Variants in COXFA4 observed in about 807,000 individuals in gnomAD.
COXFA4 encodes cytochrome c oxidase associated subunit FA4, also known as cytochrome c oxidase subunit FA4.
At chr7:10,936,645 T>C in the COXFA4 span, among the ~76,000 whole-genome samples, 1 of 152,230 alleles carries the variant, frequency 6.6e-6, no homozygotes, top group Admixed American at 6.5e-5. Context: ...ATTGCATTTT[T>C]ATTTTCTTCT....
chr7:10,933,576 T>G, the COXFA4 span: 2 of 1,334,832 alleles, frequency 1.5e-6, no homozygotes, highest in Admixed American at 3.4e-5. Context: ...TGGAAAATTG[T>G]GCGGATGTGG....
the COXFA4 span, chr7:10,933,747 A>G: frequency 2.3e-6 from 3 of 1,313,932 alleles, no homozygotes; most frequent in Non-Finnish European, 3.3e-6. Flanking sequence ...GAGACGGTAC[A>G]AAGGTTTTAG....
At chr7:10,940,087 G>GAGAGAACCGACCT in the COXFA4 span, 2 of 1,612,146 alleles carry the variant, frequency 1.2e-6, no homozygotes, top group Non-Finnish European at 1.7e-6. Context: ...GACTGGAAAG[G>GAGAGAACCGACCT]AGAGAACCGA....
the COXFA4 span, among the ~76,000 whole-genome samples, chr7:10,934,072 G>C: frequency 2.0e-5 from 3 of 152,102 alleles, no homozygotes; most frequent in African/African-American, 7.2e-5. Flanking sequence ...CAACAGAATA[G>C]AGGATTAACA....
chr7:10,932,361 C>T, the COXFA4 span: 1 of 152,228 alleles, frequency 6.6e-6, no homozygotes, highest in Non-Finnish European at 1.5e-5. Context: ...ACTCTACACA[C>T]TCTAAATTCA....
At chr7:10,934,221 A>G in the COXFA4 span, among the ~76,000 whole-genome samples, 1 of 152,052 alleles carries the variant, frequency 6.6e-6, no homozygotes, top group African/African-American at 2.4e-5. Flanking sequence ...CTCTCTCACT[A>G]ATTTCCTAAT....
At chr7:10,934,862 C>T in the COXFA4 span, among the ~76,000 whole-genome samples, 2 of 152,066 alleles carry the variant, frequency 1.3e-5, no homozygotes, top group Non-Finnish European at 2.9e-5. Context: ...TGACAGTGTT[C>T]TTTTAAGAAA....
the COXFA4 span, among the ~76,000 whole-genome samples, chr7:10,935,220 T>C: frequency 6.6e-6 from 1 of 152,232 alleles, no homozygotes; most frequent in Non-Finnish European, 1.5e-5. Context: ...CTGATTTACT[T>C]GCTTCATATC....
the COXFA4 span, among the ~76,000 whole-genome samples, chr7:10,936,120 T>C: frequency 7.9e-5 from 12 of 152,224 alleles, no homozygotes; most frequent in African/African-American, 2.9e-4. Flanking sequence ...AATAATCTAG[T>C]CTACCTGAAT....
At chr7:10,939,835 G>C in the COXFA4 span, 4 of 750,004 alleles carry the variant, frequency 5.3e-6, no homozygotes, top group East Asian at 9.9e-5. Flanking sequence ...ACCCCACAAT[G>C]CATGGCGTAG....
At chr7:10,932,607 C>A in the COXFA4 span, 1 of 152,184 alleles carries the variant, frequency 6.6e-6, no homozygotes, top group Non-Finnish European at 1.5e-5. Flanking sequence ...TGATGACTTA[C>A]ACACACCTAT....
chr7:10,932,213 G>A, the COXFA4 span: 1 of 152,182 alleles, frequency 6.6e-6, no homozygotes, highest in African/African-American at 2.4e-5. Flanking sequence ...ACAAGCTAAA[G>A]CGCATGGGAT....
At chr7:10,932,875 C>T in the COXFA4 span, 3 of 151,250 alleles carry the variant, frequency 2.0e-5, no homozygotes, top group Non-Finnish European at 2.9e-5. Context: ...GGGGCTGAGG[C>T]AGGAGGATCA....
At chr7:10,934,606 A>G in the COXFA4 span, among the ~76,000 whole-genome samples, 3 of 152,166 alleles carry the variant, frequency 2.0e-5, no homozygotes, top group African/African-American at 7.2e-5. Flanking sequence ...TCAGAATGAT[A>G]AACATTTTCT....
chr7:10,936,059 TG>T, the COXFA4 span, among the ~76,000 whole-genome samples: 28 of 152,154 alleles, frequency 1.8e-4, no homozygotes, highest in African/African-American at 6.8e-4. Context: ...CTGATGTCAG[TG>T]GGCCAGAAAA....
At chr7:10,936,542 CA>C in the COXFA4 span, among the ~76,000 whole-genome samples, 1 of 152,152 alleles carries the variant, frequency 6.6e-6, no homozygotes, top group African/African-American at 2.4e-5. Context: ...AATTCATAAA[CA>C]ATGTCATAAG....
At chr7:10,934,736 CA>C in the COXFA4 span, among the ~76,000 whole-genome samples, 2 of 151,688 alleles carry the variant, frequency 1.3e-5, no homozygotes, top group Non-Finnish European at 2.9e-5. Flanking sequence ...ATTTTACTGA[CA>C]AAAAAAATCC....
the COXFA4 span, chr7:10,939,821 C>A: frequency 1.4e-6 from 1 of 708,012 alleles, no homozygotes; most frequent in Admixed American, 2.1e-5. Context: ...TCCTGTCAGA[C>A]AAAACCCCAC....
the COXFA4 span, chr7:10,939,191 G>C: frequency 3.1e-6 from 1 of 324,190 alleles, no homozygotes; most frequent in Non-Finnish European, 5.9e-6. Context: ...AATGTATCGA[G>C]TCTTCTTCAC....
Sources: gnomAD v4.1 joint callset for allele counts (sites outside exome capture counted in the v4.1 genomes callset) on GRCh38, gnomAD v4.1.1 for gene constraint, MANE v1.5 for transcripts, NCBI Gene and HGNC (gene_info 2026-07-23, HGNC 2026-07-21) for gene names.